The following SORL1 variants were observed in gnomAD, a reference collection of about 807,000 sequenced individuals.
SORL1 encodes the protein sortilin-related receptor.
A neutral mutation model predicts 273.7 loss-of-function variants in SORL1; 127 were observed. The ratio of observed to expected loss-of-function variants is 0.46; its 90% CI spans 0.40 to 0.54. The LOEUF (loss-of-function observed/expected upper bound fraction) is 0.54, where lower values mean the gene tolerates loss of function less well. Among genes scored for constraint, SORL1 ranks in the 20% least tolerant of loss-of-function variants. The probability of loss-of-function intolerance (pLI) is 0.00; values close to 1 mark genes in which losing one functional copy is unlikely to be tolerated. For missense variants in SORL1, 2,494 were observed against 2,846.1 expected, an observed-to-expected ratio of 0.88 and a Z score of 2.81; for synonymous variants, 1,031 against 1,067.4, an observed-to-expected ratio of 0.97 and a Z score of 0.66.
At chr11:121,591,991 G>A (rs1374597613) in intron 31 of SORL1, among the ~76,000 whole-genome samples, 2 of 152,072 alleles carry the variant, frequency 1.3e-5, no homozygotes, top group Non-Finnish European at 2.9e-5. Flanking sequence ...TTGCCATATT[G>A]AGTTTCCTCT....
Position 121,614,934 on chromosome 11 carries a change from A to T in SORL1, c.5483A>T (p.Asp1828Val), listed in dbSNP as rs762019056. 6.2e-7 allele frequency: 1 copy of T among 1,613,440 alleles called. No individual in the cohort carries two copies. ...GCCTGGGCCAAGACTGACTTGGGGG[A>T]TAGCCCTCTGGCATTTGAGCATGTT... ...ISAWAKTDLG[D>V]SPLAFEHVMT... The change falls in exon 41 of 48, where the codon GAT becomes GTT. Residue 1828 changes from aspartate to valine, a missense_variant. Asp to Val is a radical substitution (Grantham distance 152). Around this residue, in one of 3 missense-constraint regions of SORL1, gnomAD observed 1,609 missense variants for 1,816.4 expected, o/e 0.89. Transcript: ENST00000260197.
rs113413978 is a variant in SORL1 at position 121,522,592 on chromosome 11, C to G, written c.1411C>G (p.Gln471Glu). 2.5e-5 allele frequency: 40 copies of G among 1,613,462 alleles called. 1 individual carries two copies. The highest frequency in any genetic ancestry group is 2.0e-4 in the African/African-American group (15 of 75,036). The change falls in exon 10 of 48, where the codon CAG becomes GAG. Residue 471 changes from glutamine (Q) to glutamate (E), a missense_variant. Around this residue, in one of 3 missense-constraint regions of SORL1, gnomAD observed 710 missense variants for 882.5 expected, o/e 0.80. Coordinates refer to ENST00000260197, the MANE Select transcript of SORL1 (RefSeq NM_003105.6). ...TGAAACTTTGGTTGTATAGCTTTCC[C>G]AGGGCTGTTCCCTTCATCTGGCTCA... ...YGEKINCELS[Q>E]GCSLHLAQRL... is the part of the protein sequence containing the mutation.
intron 7 of SORL1, among the ~76,000 whole-genome samples, chr11:121,513,457 G>A (rs1455899932): frequency 6.6e-6 from 1 of 152,194 alleles, no homozygotes; most frequent in African/African-American, 2.4e-5. Context: ...TGCAGGGGAT[G>A]AATTCCAGCA....
Position 121,558,748 on chromosome 11 carries a change from G to C in SORL1, c.2821G>C (p.Glu941Gln). 6.2e-7 allele frequency: 1 copy of C among 1,614,154 alleles called. No individual in the cohort carries two copies. The highest frequency in any genetic ancestry group is 8.5e-7 in the Non-Finnish European group (1 of 1,180,016). The stretch of plus-strand genomic sequence containing the variant: ...GATTTACTGGACGGATGCCTACCTG[G>C]AGTGCATAGAGCGGATCACGTTCAG... ...QWIYWTDAYL[E>Q]CIERITFSGQ... The change falls in exon 20 of 48, where the codon GAG becomes CAG. Residue 941 changes from glutamate (E) to glutamine (Q), a missense_variant. This residue lies in a region of SORL1 where 1,609 missense variants were observed against 1,816.4 expected (regional missense o/e 0.89). Transcript: ENST00000260197.
In SORL1 at chr11:121,557,421, A is replaced by T; in HGVS notation, c.2663+16A>T. 6.3e-7 allele frequency: 1 copy of T among 1,580,672 alleles called. No individual in the cohort carries two copies. Among genetic ancestry groups the T allele is most frequent in the Non-Finnish European group, 8.7e-7 (1 of 1,149,468 alleles). On this transcript the variant is annotated intron_variant, in intron 19 of 47. Transcript: ENST00000260197. ...CCCAAGAGGGGTAAGTGTTGCCCCA[A>T]AAGGAAATCAGTCTTGCGTCCAATG...
rs769214850 is a variant in SORL1 at position 121,605,403 on chromosome 11, G to T, written c.4780G>T (p.Val1594Leu). 4 of 1,608,556 alleles carry T rather than the reference G, an allele frequency of 2.5e-6. No individual in the cohort carries two copies. The South Asian group carries it at 3.3e-5, about 13-fold the overall frequency. The change falls in exon 35 of 48, where the codon GTG becomes TTG. Residue 1594 changes from valine (V) to leucine (L), a missense_variant and splice_region_variant. This residue lies in a region of SORL1 where 1,609 missense variants were observed against 1,816.4 expected (regional missense o/e 0.89). Transcript: ENST00000260197. ...ASCVYNVYYRVVGESIWKTLE... is the reference protein window; with the variant it reads ...ASCVYNVYYRLVGESIWKTLE... The stretch of plus-strand genomic sequence containing the variant: ...TATCTTTATTTTTTTTTGGGCCAGG[G>T]TGGTTGGAGAGAGCATATGGAAGAC...
chr11:121,453,065 C>T (rs1024862611), intron 1 of SORL1: 1 of 156,744 alleles, frequency 6.4e-6, no homozygotes, highest in African/African-American at 2.4e-5. Context: ...AGTGGGCAAA[C>T]CTGAAAGCTT....
At chr11:121,496,211 G>C (rs1172990205) in intron 5 of SORL1, among the ~76,000 whole-genome samples, 1 of 152,224 alleles carries the variant, frequency 6.6e-6, no homozygotes, top group Non-Finnish European at 1.5e-5. Context: ...TGCGTGCAGA[G>C]GGCATCTCCT....
chr11:121,570,769 G>A lies in SORL1; in HGVS notation c.3337+499G>A, dbSNP rs1862829958. 1.3e-5 allele frequency among the ~76,000 whole-genome samples: 2 copies of A among 152,192 alleles called. 1 individual carries two copies. Among genetic ancestry groups the A allele is most frequent in the South Asian group, 4.1e-4 (2 of 4,826 alleles). On this transcript the variant is annotated intron_variant, in intron 23 of 47. Coordinates refer to ENST00000260197, the MANE Select transcript of SORL1 (RefSeq NM_003105.6). ...TTAGTAATGCATAGCTTGGCCTACA[G>A]TGTGGGGCCATTGGTGTACATGCCA...
intron 20 of SORL1, 40 bp downstream of exon 20, chr11:121,558,877 G>T: frequency 1.2e-6 from 2 of 1,610,436 alleles, no homozygotes; most frequent in Non-Finnish European, 1.7e-6. Context: ...TGCTAGAGCG[G>T]GTGAGGAGCA....
At chr11:121,490,292 G>A (rs1401280490) in intron 5 of SORL1, among the ~76,000 whole-genome samples, 182 bp downstream of exon 5, 1 of 152,128 alleles carries the variant, frequency 6.6e-6, no homozygotes, top group Non-Finnish European at 1.5e-5. Context: ...AGAGTTGGGG[G>A]GAGGAGAAAG....
Position 121,630,579 on chromosome 11 carries a change from A to G in SORL1, c.*1016A>G, listed in dbSNP as rs1331694940. ...AGATGGCCACTTATTGTCCTTAAAA[A>G]TCCATACTGATATATGCAGTCATTT... On this transcript the variant is annotated 3_prime_UTR_variant, in exon 48 of 48. Transcript: ENST00000260197. 3 of 152,184 alleles carry G rather than the reference A, an allele frequency of 2.0e-5. No individual in the cohort carries two copies. The East Asian group carries it at 5.8e-4, about 29-fold the overall frequency. 9.4% of individuals were successfully genotyped at this position (152,184 alleles called of 1,614,324 possible). A position where few individuals can be genotyped will look rare whatever the true frequency, so the allele number is the denominator to read the frequency against.
intron 12 of SORL1, among the ~76,000 whole-genome samples, chr11:121,539,048 T>A (rs1469976341): frequency 6.6e-6 from 1 of 152,188 alleles, no homozygotes; most frequent in African/African-American, 2.4e-5. Context: ...GCCTTCCAGA[T>A]CCCTATCCAG....
At chr11:121,591,297 A>G (rs1591342494) in intron 31 of SORL1, 141 bp downstream of exon 31, 1 of 783,900 alleles carries the variant, frequency 1.3e-6, no homozygotes. Flanking sequence ...GCCTGTTACT[A>G]ATGGTGTACC....
chr11:121,543,407 T>C, intron 12 of SORL1, 141 bp from the exon 13 acceptor site: 1 of 665,084 alleles, frequency 1.5e-6, no homozygotes, highest in Non-Finnish European at 2.6e-6. Flanking sequence ...GAGCATTTCC[T>C]TAAACTTTCC....
At chr11:121,555,923 C>A (rs1349552055) in intron 18 of SORL1, among the ~76,000 whole-genome samples, 1 of 152,174 alleles carries the variant, frequency 6.6e-6, no homozygotes, top group Non-Finnish European at 1.5e-5. Context: ...CCTCTTTATA[C>A]TGACTCTGCA....
intron 22 of SORL1, 52 bp downstream of exon 22, chr11:121,567,165 TC>T (rs746497595): frequency 2.0e-6 from 3 of 1,486,672 alleles, no homozygotes; most frequent in Non-Finnish European, 2.8e-6. Context: ...TGTTTCCTGC[TC>T]CCCGCCAGGG....
In SORL1 at chr11:121,549,999, G is replaced by A. The variant is rs1342729030; in HGVS notation, c.2091G>A (p.Glu697=). ...AGATGAGTGAAGATTTGTCATTAGA[G>A]GTTTGTGTTCCAGATCCGGAATTTT... is the stretch of plus-strand genomic sequence containing the variant. The part of the protein sequence containing the change: ...GFKMSEDLSL[E]VCVPDPEFSG... Residue 697 remains glutamate (E), a synonymous_variant, in exon 15 of 48, where the codon GAG becomes GAA. Transcript: ENST00000260197. The A allele has an allele frequency of 6.2e-7, 1 of 1,613,766 alleles. No homozygotes were observed. Among genetic ancestry groups the A allele is most frequent in the Admixed American group, 1.7e-5 (1 of 60,002 alleles).
intron 21 of SORL1, among the ~76,000 whole-genome samples, chr11:121,564,812 A>G (rs1862731018): frequency 6.6e-6 from 1 of 151,734 alleles, no homozygotes; most frequent in Non-Finnish European, 1.5e-5. Flanking sequence ...GGCTCGAGTG[A>G]TCCTCCCACC....
Sources: allele counts gnomAD v4.1 joint callset (sites outside exome capture counted in the v4.1 genomes callset), GRCh38; gene constraint gnomAD v4.1.1; regional missense constraint gnomAD v4.1.1; transcripts MANE v1.5; gene names NCBI Gene and HGNC (gene_info 2026-07-23, HGNC 2026-07-21).